SPTLC1: variants seen among roughly 807,000 people sequenced by gnomAD.
SPTLC1 encodes the protein serine palmitoyltransferase 1.
SPTLC1 carries 55 observed loss-of-function variants against 68.9 expected under a neutral mutation model. That is an observed-to-expected ratio of 0.80 (90% confidence interval 0.64 to 1.00). The LOEUF (loss-of-function observed/expected upper bound fraction) is 1.00, where lower values mean the gene tolerates loss of function less well. Ranked by LOEUF, SPTLC1 falls within the 50% of genes least tolerant of loss-of-function variation. The pLI is 0.00. For synonymous variants in SPTLC1, 197 were observed against 201.6 expected (o/e 0.98, Z 0.19); for missense variants, 449 against 573.1 (o/e 0.78, Z 2.21).
At position 92,096,383 on chromosome 9, in the gene SPTLC1, G is replaced by A. The variant is rs961654723; in HGVS notation, c.260+12357C>T. Reference sequence around the variant, plus strand: ...TCATTATTTCACAATGTGTGTGTGTGTATATATATATAAATATAAAATCAT... The same window carrying A: ...TCATTATTTCACAATGTGTGTGTGTATATATATATATAAATATAAAATCAT... On this transcript the variant is annotated intron_variant, in intron 3 of 14. Coordinates refer to ENST00000262554, the MANE Select transcript of SPTLC1 (RefSeq NM_006415.4). Among the ~76,000 whole-genome samples the A allele has an allele frequency of 5.9e-5, 9 of 151,744 alleles. No homozygotes were observed. The East Asian group carries it at 1.2e-3, about 20-fold the overall frequency.
At chr9:92,087,780 TAGAC>T (rs1225601205) in intron 3 of SPTLC1, among the ~76,000 whole-genome samples, 3 of 152,210 alleles carry the variant, frequency 2.0e-5, no homozygotes, top group Non-Finnish European at 2.9e-5. Flanking sequence ...TCAAAGCTGT[TAGAC>T]AGGGACATTT....
In SPTLC1 at chr9:92,032,309, A is replaced by G. The variant is rs1832987992; in HGVS notation, c.*156T>C. 1.3e-6 allele frequency: 2 copies of G among 1,542,450 alleles called. No individual in the cohort carries two copies. The highest frequency in any genetic ancestry group is 2.0e-5 in the Admixed American group (1 of 51,072). Reference sequence around the variant, plus strand: ...TTTAAAAAAAATAAGCATCCTTCTCATGGTCACACAATTGGTCCATACTGA... The same window carrying G: ...TTTAAAAAAAATAAGCATCCTTCTCGTGGTCACACAATTGGTCCATACTGA... On this transcript the variant is annotated 3_prime_UTR_variant, in exon 15 of 15. Transcript: ENST00000262554.
intron 1 of SPTLC1, among the ~76,000 whole-genome samples, chr9:92,114,455 G>A (rs1019925268): frequency 2.6e-5 from 4 of 152,012 alleles, no homozygotes; most frequent in African/African-American, 7.3e-5. Flanking sequence ...AAAGTCTACG[G>A]CCAGGTGCAG....
In SPTLC1 at chr9:92,055,397, T is replaced by C; in HGVS notation, c.780+8A>G. On this transcript the variant is annotated splice_region_variant and intron_variant, in intron 8 of 14. Coordinates refer to ENST00000262554, the MANE Select transcript of SPTLC1 (RefSeq NM_006415.4). ...ATATTAAAATTACAGCTGAACATGGTTGCTTACCAATTCTGGAAGAGGACA... is the reference window on the plus strand; with the variant it reads ...ATATTAAAATTACAGCTGAACATGGCTGCTTACCAATTCTGGAAGAGGACA... 1.9e-6 allele frequency: 3 copies of C among 1,612,824 alleles called. No homozygotes were observed. Among genetic ancestry groups the C allele is most frequent in the Non-Finnish European group, 2.5e-6 (3 of 1,180,006 alleles).
chr9:92,077,244 T>G (rs1225091153), intron 5 of SPTLC1, among the ~76,000 whole-genome samples: 2 of 152,002 alleles, frequency 1.3e-5, no homozygotes, highest in Non-Finnish European at 1.5e-5. Context: ...ACACCACCCC[T>G]CTTGGTGATT....
chr9:92,038,583 C>T, intron 12 of SPTLC1: 1 of 570,866 alleles, frequency 1.8e-6, no homozygotes, highest in South Asian at 1.9e-5. Context: ...AATGTGGCTT[C>T]CTGAGTGCAG....
At chr9:92,059,040 T>C in intron 7 of SPTLC1, 139 bp downstream of exon 7, 1 of 1,013,724 alleles carries the variant, frequency 9.9e-7, no homozygotes, top group East Asian at 2.6e-5. Flanking sequence ...CAACACCAAG[T>C]ACATTTAATA....
Position 92,031,459 on chromosome 9 carries a change from G to T in SPTLC1, c.*1006C>A, listed in dbSNP as rs1381487603. The T allele has an allele frequency of 1.3e-5, 2 of 152,050 alleles. No homozygotes were observed. The highest frequency in any genetic ancestry group is 2.9e-5 in the Non-Finnish European group (2 of 67,988). The allele number at this position is 152,050 out of a possible 1,614,324, so 9.4% of individuals were successfully genotyped here. A position where few individuals can be genotyped will look rare whatever the true frequency, so the allele number is the denominator to read the frequency against. On this transcript the variant is annotated 3_prime_UTR_variant, in exon 15 of 15. Coordinates refer to ENST00000262554, the MANE Select transcript of SPTLC1 (RefSeq NM_006415.4). ...ACAAACCTTTACACCACATAACCTG[G>T]TTTGCTAAAGAAAAAACAGGTAAAG...
intron 7 of SPTLC1, 79 bp downstream of exon 7, chr9:92,059,100 A>G (rs990877908): frequency 2.0e-6 from 3 of 1,537,576 alleles, no homozygotes; most frequent in Non-Finnish European, 2.7e-6. Flanking sequence ...AGTTTTCATG[A>G]CAAATTACCA....
intron 8 of SPTLC1, chr9:92,055,199 C>G (rs775779980): frequency 1.0e-6 from 1 of 984,844 alleles, no homozygotes; most frequent in Non-Finnish European, 1.2e-6. Flanking sequence ...GCACTCCAGC[C>G]TGGGCAACAG....
intron 3 of SPTLC1, among the ~76,000 whole-genome samples, chr9:92,104,161 T>C (rs1835865606): frequency 6.6e-6 from 1 of 152,174 alleles, no homozygotes; most frequent in Non-Finnish European, 1.5e-5. Flanking sequence ...TCCTCTCCGC[T>C]TCTGACCCTT....
intron 12 of SPTLC1, among the ~76,000 whole-genome samples, chr9:92,040,879 C>G (rs7040090): frequency 6.6e-6 from 1 of 152,074 alleles, no homozygotes; most frequent in African/African-American, 2.4e-5. Flanking sequence ...AACAAAATGC[C>G]CTGTCTCTGG....
At chr9:92,075,653 T>C (rs1309201632) in intron 5 of SPTLC1, among the ~76,000 whole-genome samples, 2 of 152,184 alleles carry the variant, frequency 1.3e-5, no homozygotes, top group African/African-American at 4.8e-5. Context: ...CTTATACTCT[T>C]AGAGTCTCTC....
At chr9:92,058,456 C>T (rs529865419) in intron 7 of SPTLC1, among the ~76,000 whole-genome samples, 31 of 152,276 alleles carry the variant, frequency 2.0e-4, no homozygotes, top group African/African-American at 7.5e-4. Flanking sequence ...TGCTCAGAAC[C>T]ACAGACCTGA....
chr9:92,110,576 T>C (rs528005985), intron 2 of SPTLC1: 1 of 152,390 alleles, frequency 6.6e-6, no homozygotes, highest in African/African-American at 2.4e-5. Context: ...ATTTACCAAA[T>C]GCCATTTATT....
chr9:92,098,063 G>A (rs539855217), intron 3 of SPTLC1, among the ~76,000 whole-genome samples: 53 of 152,216 alleles, frequency 3.5e-4, no homozygotes, highest in Non-Finnish European at 6.9e-4. Context: ...GATGGCGATC[G>A]GTAACCATCT....
intron 12 of SPTLC1, among the ~76,000 whole-genome samples, chr9:92,043,620 T>C (rs1354866792): frequency 6.6e-6 from 1 of 152,198 alleles, no homozygotes; most frequent in Non-Finnish European, 1.5e-5. Context: ...TATGAACTTC[T>C]GCTAGATCCA....
intron 6 of SPTLC1, among the ~76,000 whole-genome samples, chr9:92,061,674 T>C (rs1224174364): frequency 1.3e-5 from 2 of 152,170 alleles, no homozygotes; most frequent in African/African-American, 2.4e-5. Flanking sequence ...CTGATGTGGT[T>C]CTCACTGTAT....
rs555304358 is a variant in SPTLC1 at position 92,035,996 on chromosome 9, G to C, written c.1255-1113C>G. On this transcript the variant is annotated intron_variant, in intron 13 of 14. Transcript: ENST00000262554. ...AACATAAACTTGGCAAAGCCTCTCA[G>C]ATCTACAAAGCTTAAATAAGAGTTA... is the stretch of plus-strand genomic sequence containing the variant. 2.6e-5 allele frequency among the ~76,000 whole-genome samples: 4 copies of C among 152,330 alleles called. No homozygotes were observed. The East Asian group carries it at 5.8e-4, about 22-fold the overall frequency.
Sources: gnomAD v4.1 joint callset for allele counts (sites outside exome capture counted in the v4.1 genomes callset) on GRCh38, gnomAD v4.1.1 for gene constraint, MANE v1.5 for transcripts, NCBI Gene and HGNC (gene_info 2026-07-23, HGNC 2026-07-21) for gene names.